Variants in NTM observed in about 807,000 individuals in gnomAD.
NTM encodes neurotrimin.
In NTM, 13 loss-of-function variants were observed where a neutral mutation model predicts 42.1. The observed-to-expected ratio is 0.31, with a 90% CI of 0.20 to 0.49. The LOEUF is 0.49. Ranked by LOEUF, NTM falls within the 20% of genes least tolerant of loss-of-function variation. NTM has a pLI of 0.99. For synonymous variants in NTM, 187 were observed against 179.2 expected, an observed-to-expected ratio of 1.04 and a Z score of -0.35; for missense variants, 373 against 452.8, an observed-to-expected ratio of 0.82 and a Z score of 1.60.
chr11:131,445,321 A>G (rs1236577427), intron 1 of NTM, among the ~76,000 whole-genome samples: 2 of 152,222 alleles, frequency 1.3e-5, no homozygotes, highest in African/African-American at 4.8e-5. Flanking sequence ...ACATTTGCAC[A>G]TTCAGATTTG....
chr11:131,550,368 C>G (rs1273803040), intron 1 of NTM, among the ~76,000 whole-genome samples: 1 of 152,152 alleles, frequency 6.6e-6, no homozygotes, highest in African/African-American at 2.4e-5. Flanking sequence ...GCCCAAATCT[C>G]ATGTCAAATT....
At chr11:131,890,203 A>G (rs1257717333) in intron 1 of NTM, among the ~76,000 whole-genome samples, 1 of 151,264 alleles carries the variant, frequency 6.6e-6, no homozygotes, top group Non-Finnish European at 1.5e-5. Flanking sequence ...TCACACACAC[A>G]CACACATATC....
chr11:132,225,757 A>G (rs1259808713), intron 4 of NTM, among the ~76,000 whole-genome samples: 2 of 152,110 alleles, frequency 1.3e-5, no homozygotes, highest in African/African-American at 4.8e-5. Flanking sequence ...ACGTGTGCAG[A>G]AAGTGCAGGT....
chr11:131,817,384 G>A (rs971559509), intron 1 of NTM, among the ~76,000 whole-genome samples: 8 of 152,152 alleles, frequency 5.3e-5, no homozygotes, highest in Non-Finnish European at 1.0e-4. Flanking sequence ...AGAGATTTAG[G>A]GGGAGTGAGA....
intron 2 of NTM, among the ~76,000 whole-genome samples, chr11:132,128,937 CAAAAAAAAAAAAAAAAA>C (rs66598841): frequency 4.5e-5 from 3 of 66,070 alleles, no homozygotes; most frequent in African/African-American, 1.2e-4. Flanking sequence ...GACACCATCT[CAAAAAAAAAAAAAAAAA>C]AAAAAAAAAA....
At chr11:132,199,446 G>A (rs917600786) in intron 3 of NTM, among the ~76,000 whole-genome samples, 1 of 152,182 alleles carries the variant, frequency 6.6e-6, no homozygotes, top group Non-Finnish European at 1.5e-5. Flanking sequence ...ATAAATGAAC[G>A]CTGTTCAGTG....
intron 2 of NTM, among the ~76,000 whole-genome samples, chr11:131,995,446 G>A (rs906811685): frequency 2.0e-5 from 3 of 152,106 alleles, no homozygotes; most frequent in African/African-American, 4.8e-5. Context: ...TTTGGTCTGG[G>A]TGCTGTGGTG....
At chr11:132,328,988 C>CTCTT (rs1166291028) in intron 7 of NTM, among the ~76,000 whole-genome samples, 1 of 152,182 alleles carries the variant, frequency 6.6e-6, no homozygotes, top group East Asian at 1.9e-4. Context: ...AACCCTTTCC[C>CTCTT]TCTTTGTACC....
chr11:131,754,533 G>T (rs960319845), intron 1 of NTM, among the ~76,000 whole-genome samples: 1 of 151,608 alleles, frequency 6.6e-6, no homozygotes, highest in Non-Finnish European at 1.5e-5. Context: ...GCTGAGGCAA[G>T]AGAATTGCTT....
chr11:131,855,531 G>T (rs2046003482), intron 1 of NTM, among the ~76,000 whole-genome samples: 1 of 152,282 alleles, frequency 6.6e-6, no homozygotes, highest in Non-Finnish European at 1.5e-5. Flanking sequence ...TTTTGTTTCT[G>T]CCTTTCCTTA....
intron 2 of NTM, among the ~76,000 whole-genome samples, chr11:132,104,153 G>T (rs1287129898): frequency 6.6e-6 from 1 of 152,204 alleles, no homozygotes; most frequent in African/African-American, 2.4e-5. Flanking sequence ...GCACTAGAAA[G>T]AAGTAATCCT....
chr11:132,090,740 C>T (rs954701031), intron 2 of NTM, among the ~76,000 whole-genome samples: 1 of 152,146 alleles, frequency 6.6e-6, no homozygotes, highest in African/African-American at 2.4e-5. Flanking sequence ...ATGGCTTCAT[C>T]TATCACTGTC....
At chr11:132,264,259 AT>A (rs755559979) in intron 4 of NTM, among the ~76,000 whole-genome samples, 172 of 151,984 alleles carry the variant, frequency 1.1e-3, no homozygotes, top group Non-Finnish European at 2.1e-3. Context: ...TATTGTGCAT[AT>A]TTTTTCATAT....
intron 1 of NTM, among the ~76,000 whole-genome samples, chr11:131,608,068 C>A (rs931268544): frequency 3.9e-5 from 6 of 152,054 alleles, no homozygotes; most frequent in Non-Finnish European, 7.3e-5. Context: ...CACAACAGTC[C>A]CCAGTGTGTG....
At chr11:131,626,658 C>T (rs919072795) in intron 1 of NTM, among the ~76,000 whole-genome samples, 2 of 152,178 alleles carry the variant, frequency 1.3e-5, no homozygotes, top group African/African-American at 4.8e-5. Flanking sequence ...AAGACATTTA[C>T]ACTCACTCAA....
rs34907087 is a variant in NTM, at chr11:131,696,785, G to GCACACACACACACA, written c.83-214766_83-214753dup. On this transcript the variant is annotated intron_variant, in intron 1 of 8. Coordinates refer to ENST00000683400, the MANE Select transcript of NTM (RefSeq NM_001352005.2). Reference sequence around the variant, plus strand: ...GTCTCAAACAGGCACACCCACGCATGCACACACACACACACACACACACAC... The same window carrying GCACACACACACACA: ...GTCTCAAACAGGCACACCCACGCATGCACACACACACACACACACACACACACACACACACACAC... 7.0e-3 allele frequency among the ~76,000 whole-genome samples: 1,038 copies of GCACACACACACACA among 147,828 alleles called. 11 individuals are homozygous for GCACACACACACACA. The highest frequency in any genetic ancestry group is 0.024 in the African/African-American group (981 of 40,496).
chr11:131,403,297 AC>A (rs1297563103), intron 1 of NTM, among the ~76,000 whole-genome samples: 1 of 151,698 alleles, frequency 6.6e-6, no homozygotes, highest in Non-Finnish European at 1.5e-5. Context: ...CTACACATAA[AC>A]CCCCAGTTTT....
chr11:131,882,383 T>A (rs1415606742), intron 1 of NTM, among the ~76,000 whole-genome samples: 1 of 152,200 alleles, frequency 6.6e-6, no homozygotes, highest in African/African-American at 2.4e-5. Flanking sequence ...AACCTTCAAC[T>A]GATTGGATGA....
intron 1 of NTM, among the ~76,000 whole-genome samples, chr11:131,424,603 T>TC (rs1555108133): frequency 7.7e-6 from 1 of 130,310 alleles, no homozygotes; most frequent in African/African-American, 2.9e-5. Context: ...TTCTTTTCTT[T>TC]TTTTTTTTTT....
Sources: allele counts gnomAD v4.1 joint callset (sites outside exome capture counted in the v4.1 genomes callset), GRCh38; gene constraint gnomAD v4.1.1; transcripts MANE v1.5; gene names NCBI Gene and HGNC (gene_info 2026-07-23, HGNC 2026-07-21).